Variants in ACAD8 observed in about 807,000 individuals in gnomAD.
The protein encoded by ACAD8 is acyl-CoA dehydrogenase family member 8.
A neutral mutation model predicts 53.1 loss-of-function variants in ACAD8; 47 were observed. The ratio of observed to expected loss-of-function variants is 0.89; its 90% CI spans 0.70 to 1.13. ACAD8 has a LOEUF of 1.13. Among genes scored for constraint, ACAD8 ranks in the 50% most tolerant of loss-of-function variants. ACAD8 has a pLI of 0.00. For synonymous variants in ACAD8, 198 were observed against 201.3 expected (o/e 0.98, Z 0.14); for missense variants, 494 against 535.0 (o/e 0.92, Z 0.76).
rs575969865 is a variant in ACAD8 at position 134,261,209 on chromosome 11, T to G, written c.841+30T>G. On this transcript the variant is annotated intron_variant, in intron 7 of 10. Transcript: ENST00000281182. The surrounding 1 kb of genome is among the most constrained non-coding windows in gnomAD (Gnocchi z 4.2). ...GATACGCAGGGGTGTGGCAGGGAGG[T>G]AGCGGTCCGGGACAGGCACTGCTGT... 42 of 1,613,158 alleles carry G rather than the reference T, an allele frequency of 2.6e-5. No homozygotes were observed. In the Admixed American group the frequency reaches 3.5e-4, roughly 13 times the overall value.
chr11:134,255,161 G>A (rs1450312626), intron 1 of ACAD8, among the ~76,000 whole-genome samples: 1 of 152,060 alleles, frequency 6.6e-6, no homozygotes, highest in Admixed American at 6.6e-5. Context: ...TTTTGAGATG[G>A]AGTCTCTTTC....
intron 10 of ACAD8, chr11:134,263,263 G>A: frequency 2.0e-6 from 2 of 1,003,218 alleles, no homozygotes; most frequent in Non-Finnish European, 1.2e-6. Flanking sequence ...TTCTTTGAGT[G>A]ACTTCGGTGA....
chr11:134,265,321 GGCCTGGGGACTTTCACTGAT>G lies in ACAD8; in HGVS notation c.*364_*383del. The G allele has an allele frequency of 3.7e-6, 1 of 266,720 alleles. No individual in the cohort carries two copies. The highest frequency in any genetic ancestry group is 7.2e-6 in the Non-Finnish European group (1 of 138,706). 16.5% of individuals were successfully genotyped at this position (266,720 alleles called of 1,614,324 possible). A position where few individuals can be genotyped will look rare whatever the true frequency, so the allele number is the denominator to read the frequency against. ...TAGTTCACTGGATCCCTCCTCTAGGGGCCTGGGGACTTTCACTGATGCTCTTCCTGATTCTAGAGCAAAGG... is the reference window on the plus strand; with the variant it reads ...TAGTTCACTGGATCCCTCCTCTAGGGGCTCTTCCTGATTCTAGAGCAAAGG... On this transcript the variant is annotated 3_prime_UTR_variant, in exon 11 of 11. Coordinates refer to ENST00000281182, the MANE Select transcript of ACAD8 (RefSeq NM_014384.3).
At position 134,262,440 on chromosome 11, in the gene ACAD8, G is replaced by C. The variant is rs73603086; in HGVS notation, c.1093-80G>C. 0.11 allele frequency: 104,272 copies of C among 936,246 alleles called. 6,427 individuals are homozygous for C. The highest frequency in any genetic ancestry group is 0.19 in the African/African-American group (11,555 of 61,510). The allele number at this position is 936,246 out of a possible 1,614,324, so 58.0% of individuals were successfully genotyped here. A position where few individuals can be genotyped will look rare whatever the true frequency, so the allele number is the denominator to read the frequency against. ...TGGGTTTATGGCGGGCTGCCAGATCGTGGGCTGGGGTAGGAAGGGAAGCTG... is the reference window on the plus strand; with the variant it reads ...TGGGTTTATGGCGGGCTGCCAGATCCTGGGCTGGGGTAGGAAGGGAAGCTG... On this transcript the variant is annotated intron_variant, in intron 9 of 10. Transcript: ENST00000281182.
At chr11:134,254,554 A>G (rs1939364659) in intron 1 of ACAD8, among the ~76,000 whole-genome samples, 2 of 152,238 alleles carry the variant, frequency 1.3e-5, no homozygotes, top group Non-Finnish European at 2.9e-5. Context: ...TCCCTTAGAT[A>G]TCAGATCTAT....
Position 134,256,645 on chromosome 11 carries a change from G to A in ACAD8, c.207G>A (p.Gln69=), listed in dbSNP as rs199868020. 1.4e-4 allele frequency: 223 copies of A among 1,614,158 alleles called. No individual in the cohort carries two copies. The highest frequency in any genetic ancestry group is 1.8e-4 in the Non-Finnish European group (215 of 1,179,996). The change falls in exon 2 of 11, where the codon CAG becomes CAA. Residue 69 remains glutamine, a synonymous_variant. Coordinates refer to ENST00000281182, the MANE Select transcript of ACAD8 (RefSeq NM_014384.3). The part of the protein sequence containing the change: ...EMAPNMAEWD[Q]KELFPVDVMR... ...CTCCAAATATGGCAGAGTGGGACCAGAAGGTAGGCGTTTTTCTTGTGCTTA... is the reference window on the plus strand; with the variant it reads ...CTCCAAATATGGCAGAGTGGGACCAAAAGGTAGGCGTTTTTCTTGTGCTTA...
chr11:134,258,903 A>T, intron 4 of ACAD8, 105 bp from the exon 5 acceptor site: 1 of 1,030,200 alleles, frequency 9.7e-7, no homozygotes, highest in Non-Finnish European at 1.5e-6. Context: ...CACTCTGAGC[A>T]GGGTCTGTTT....
chr11:134,262,417 G>A (rs61909716), intron 9 of ACAD8, 103 bp from the exon 10 acceptor site: 1 of 761,856 alleles, frequency 1.3e-6, no homozygotes, highest in African/African-American at 1.7e-5. Context: ...TTCTTTCATG[G>A]GTTTATGGCG....
chr11:134,255,226 C>T (rs1297912290), intron 1 of ACAD8, among the ~76,000 whole-genome samples: 2 of 152,070 alleles, frequency 1.3e-5, no homozygotes, highest in African/African-American at 2.4e-5. Context: ...AACCTCTGCC[C>T]CACGGGTTCA....
chr11:134,263,257 T>C (rs1351716871), intron 10 of ACAD8: 22 of 1,005,040 alleles, frequency 2.2e-5, no homozygotes, highest in Non-Finnish European at 2.6e-5. Flanking sequence ...AGAGGCTTCT[T>C]TGAGTGACTT....
chr11:134,263,402 T>C, intron 10 of ACAD8: 4 of 986,534 alleles, frequency 4.1e-6, no homozygotes, highest in Non-Finnish European at 4.8e-6. Flanking sequence ...ATTGCGGGCC[T>C]CAACCCCAGA....
At chr11:134,262,310 G>A (rs746161217) in intron 9 of ACAD8, 5 of 666,372 alleles carry the variant, frequency 7.5e-6, no homozygotes, top group South Asian at 3.0e-5. Context: ...GCTTTGAGTC[G>A]CCTGTCTGGG....
rs895628218 is a variant in ACAD8 at position 134,260,086 on chromosome 11, G to A, written c.705+341G>A. 9.2e-6 allele frequency: 11 copies of A among 1,200,028 alleles called. No homozygotes were observed. The African/African-American group carries it at 1.4e-4, about 16-fold the overall frequency. The allele number at this position is 1,200,028 out of a possible 1,614,324, so 74.3% of individuals were successfully genotyped here. On this transcript the variant is annotated intron_variant, in intron 6 of 10. Coordinates refer to ENST00000281182, the MANE Select transcript of ACAD8 (RefSeq NM_014384.3). ...AAGAGACGCTTAGAGAAGACCTGGT[G>A]TTGGCCACAAGTCTCAGTAATGGAA...
Position 134,253,598 on chromosome 11 carries a change from G to T in ACAD8, c.-3G>T. On this transcript the variant is annotated 5_prime_UTR_variant, in exon 1 of 11. Transcript: ENST00000281182. ...CTTAGCTGAACGCGGAGCTGCGGCG[G>T]CTATGCTGTGGAGCGGCTGCCGGCG... 2 of 1,580,708 alleles carry T rather than the reference G, an allele frequency of 1.3e-6. No individual in the cohort carries two copies. Among genetic ancestry groups the T allele is most frequent in the Non-Finnish European group, 8.6e-7 (1 of 1,165,832 alleles).
chr11:134,257,397 G>C, intron 3 of ACAD8, 140 bp downstream of exon 3: 1 of 1,109,262 alleles, frequency 9.0e-7, no homozygotes, highest in Non-Finnish European at 1.3e-6. Flanking sequence ...CTAGGGGCCG[G>C]GCGCAGTGGC....
At chr11:134,253,976 T>TCCTCCGG (rs1939303047) in intron 1 of ACAD8, among the ~76,000 whole-genome samples, 1 of 134,988 alleles carries the variant, frequency 7.4e-6, no homozygotes, top group Non-Finnish European at 1.6e-5. Context: ...GCCCCGGTCC[T>TCCTCCGG]CCTCCGGCCG....
chr11:134,261,295 G>A lies in ACAD8; in HGVS notation c.862G>A (p.Ala288Thr), dbSNP rs768482407. The stretch of plus-strand genomic sequence containing the variant: ...TCTAGCTTCCTGCTCCCTGGGGGCT[G>A]CCCACGCCTCTGTCATCCTCACCCG... ...INIASCSLGA[A>T]HASVILTRDH... The change falls in exon 8 of 11, where the codon GCC (alanine) becomes ACC (threonine). Residue 288 changes from alanine to threonine, a missense_variant. Coordinates refer to ENST00000281182, the MANE Select transcript of ACAD8 (RefSeq NM_014384.3). The surrounding 1 kb of genome is among the most constrained non-coding windows in gnomAD (Gnocchi z 4.2). 3.1e-6 allele frequency: 5 copies of A among 1,614,048 alleles called. No individual in the cohort carries two copies. The highest frequency in any genetic ancestry group is 4.2e-6 in the Non-Finnish European group (5 of 1,180,030).
rs764987510 is a variant in ACAD8 at position 134,256,665 on chromosome 11, T to C, written c.210+17T>C. 4.4e-6 allele frequency: 7 copies of C among 1,605,564 alleles called. No individual in the cohort carries two copies. The highest frequency in any genetic ancestry group is 6.0e-6 in the Non-Finnish European group (7 of 1,172,478). ...GACCAGAAGGTAGGCGTTTTTCTTGTGCTTAGACGTTCTAACAACAGATGT... is the reference window on the plus strand; with the variant it reads ...GACCAGAAGGTAGGCGTTTTTCTTGCGCTTAGACGTTCTAACAACAGATGT... On this transcript the variant is annotated intron_variant, in intron 2 of 10. Coordinates refer to ENST00000281182, the MANE Select transcript of ACAD8 (RefSeq NM_014384.3).
chr11:134,256,828 C>CT lies in ACAD8; in HGVS notation c.210+189dup, dbSNP rs1178259363. ...GGCATCCTGATCATCTTGTACATAACTTTTTTTTTGTTAGTTGAATAAAGA... is the reference window on the plus strand; with the variant it reads ...GGCATCCTGATCATCTTGTACATAACTTTTTTTTTTGTTAGTTGAATAAAGA... On this transcript the variant is annotated intron_variant, in intron 2 of 10. Coordinates refer to ENST00000281182, the MANE Select transcript of ACAD8 (RefSeq NM_014384.3). 1.9e-4 allele frequency: 131 copies of CT among 679,634 alleles called. 1 individual carries two copies. Among genetic ancestry groups the CT allele is most frequent in the Middle Eastern group, 3.7e-4 (1 of 2,696 alleles). 42.1% of individuals were successfully genotyped at this position (679,634 alleles called of 1,614,324 possible).
Sources: allele counts gnomAD v4.1 joint callset (sites outside exome capture counted in the v4.1 genomes callset), GRCh38; gene constraint gnomAD v4.1.1; non-coding constraint Gnocchi (gnomAD v3.1); transcripts MANE v1.5; gene names NCBI Gene and HGNC (gene_info 2026-07-23, HGNC 2026-07-21).